Variants in HEXB observed in about 807,000 individuals in gnomAD.
HEXB encodes the protein beta-hexosaminidase subunit beta.
A neutral mutation model predicts 71.2 loss-of-function variants in HEXB; 51 were observed. The observed-to-expected ratio is 0.72, with a 90% confidence interval of 0.57 to 0.90. The LOEUF is 0.90. Ranked by LOEUF, HEXB falls within the 40% of genes least tolerant of loss-of-function variation. The pLI is 0.00. For missense variants in HEXB, 617 were observed against 677.0 expected, an observed-to-expected ratio of 0.91 and a Z score of 0.98; for synonymous variants, 266 against 249.3, an observed-to-expected ratio of 1.07 and a Z score of -0.63.
At position 74,704,013 on chromosome 5, in the gene HEXB, C is replaced by T. The variant is rs143006251; in HGVS notation, c.670-1206C>T. ...AAGTTTACAGGAATATAGGCACGTA[C>T]GTTTGTTTACATACTGTCTCACTCT... On this transcript the variant is annotated intron_variant, in intron 5 of 13. Coordinates refer to ENST00000261416, the MANE Select transcript of HEXB (RefSeq NM_000521.4). Among the ~76,000 whole-genome samples the T allele has an allele frequency of 1.7e-3, 263 of 152,250 alleles. 2 individuals are homozygous for T. The highest frequency in any genetic ancestry group is 6.1e-3 in the African/African-American group (254 of 41,556).
Position 74,641,262 on chromosome 5 carries a change from T to C in HEXB, c.-377+704T>C, listed in dbSNP as rs1482121324. ...CCAGAGTGGGGAGAGATAGTGGCAA[T>C]GGACGGGCAAAAGTCTGGACAGTTT... On this transcript the variant is annotated intron_variant, in intron 1 of 13. Transcript: ENST00000511181. This position sits in a 1 kb window ranked among gnomAD's most constrained non-coding sequence, Gnocchi z 4.1. The C allele has an allele frequency of 6.5e-6, 1 of 152,732 alleles. No individual in the cohort carries two copies. Among genetic ancestry groups the C allele is most frequent in the East Asian group, 1.9e-4 (1 of 5,182 alleles). 9.5% of individuals were successfully genotyped at this position (152,732 alleles called of 1,614,324 possible).
At chr5:74,713,397 A>C (rs1436229846) in intron 6 of HEXB, 109 bp from the exon 7 acceptor site, 2 of 990,900 alleles carry the variant, frequency 2.0e-6, no homozygotes, top group African/African-American at 3.2e-5. Flanking sequence ...ATACATTGTC[A>C]TAGTGAAAAA....
At chr5:74,644,432 C>G (rs1747962920) in intron 1 of HEXB, among the ~76,000 whole-genome samples, 1 of 152,102 alleles carries the variant, frequency 6.6e-6, no homozygotes, top group Non-Finnish European at 1.5e-5. Context: ...CTGAAGACCT[C>G]AGAACAGTGA....
intron 8 of HEXB, among the ~76,000 whole-genome samples, chr5:74,716,179 A>G (rs891030461): frequency 1.3e-5 from 2 of 152,120 alleles, no homozygotes; most frequent in African/African-American, 4.8e-5. Context: ...TGGAGAATGT[A>G]CATTTTGGTA....
At chr5:74,718,739 C>G in intron 10 of HEXB, 58 bp from the exon 11 acceptor site, 28 of 1,517,672 alleles carry the variant, frequency 1.8e-5, no homozygotes, top group Non-Finnish European at 2.6e-5. Context: ...CTTAAACTTT[C>G]AATTTCATCT....
At chr5:74,648,067 A>G (rs1748033527) in intron 1 of HEXB, among the ~76,000 whole-genome samples, 1 of 152,336 alleles carries the variant, frequency 6.6e-6, no homozygotes, top group East Asian at 1.9e-4. Flanking sequence ...CATTTAGCAA[A>G]TATGTGATCC....
chr5:74,721,246 GATATT>G lies in HEXB; in HGVS notation c.*73_*77del, dbSNP rs1324855433. ...TTTATTTTGAAATCATGTAAAATAA[GATATT>G]AGACTGTTTTTTGAATAAAATATTT... On this transcript the variant is annotated 3_prime_UTR_variant, in exon 14 of 14. Coordinates refer to ENST00000261416, the MANE Select transcript of HEXB (RefSeq NM_000521.4). 2.5e-6 allele frequency: 3 copies of G among 1,187,524 alleles called. No homozygotes were observed. The highest frequency in any genetic ancestry group is 3.8e-6 in the Non-Finnish European group (3 of 794,564). 73.6% of individuals were successfully genotyped at this position (1,187,524 alleles called of 1,614,324 possible).
rs539820028 is a variant in HEXB at position 74,645,034 on chromosome 5, A to G, written c.-377+4476A>G. 3.3e-5 allele frequency among the ~76,000 whole-genome samples: 5 copies of G among 152,082 alleles called. No homozygotes were observed. In the South Asian group the frequency reaches 8.3e-4, roughly 25 times the overall value. On this transcript the variant is annotated intron_variant, in intron 1 of 13. Transcript: ENST00000511181. Reference sequence around the variant, plus strand: ...TGATCCACCCATGTCAGCCTCCCAAAGTGCTGGGATTACAGGTGTGAGCCA... The same window carrying G: ...TGATCCACCCATGTCAGCCTCCCAAGGTGCTGGGATTACAGGTGTGAGCCA...
chr5:74,700,246 A>G (rs888053490), intron 5 of HEXB, among the ~76,000 whole-genome samples: 1 of 151,394 alleles, frequency 6.6e-6, no homozygotes, highest in Non-Finnish European at 1.5e-5. Flanking sequence ...GAGCTCAGGC[A>G]ATCTGCCCAC....
intron 1 of HEXB, among the ~76,000 whole-genome samples, chr5:74,647,294 T>C (rs949460745): frequency 4.6e-5 from 7 of 152,244 alleles, no homozygotes; most frequent in African/African-American, 1.2e-4. Flanking sequence ...TAGGGCACAA[T>C]GCCAAGTCTC....
At position 74,670,345 on chromosome 5, in the gene HEXB, C is replaced by T. The variant is rs183067641; in HGVS notation, c.-376-18983C>T. On this transcript the variant is annotated intron_variant, in intron 1 of 13. Transcript: ENST00000511181. ...ACTGAGAGAAACCATCAACTTCAGG[C>T]GGGGGACCACCCTCACGTCCCCTCT... 3.3e-3 allele frequency among the ~76,000 whole-genome samples: 500 copies of T among 152,052 alleles called. 3 individuals carry two copies. Among genetic ancestry groups the T allele is most frequent in the East Asian group, 9.1e-3 (47 of 5,170 alleles).
chr5:74,684,035 G>A (rs1748792160), upstream of HEXB, among the ~76,000 whole-genome samples: 1 of 151,988 alleles, frequency 6.6e-6, no homozygotes, highest in Non-Finnish European at 1.5e-5. Context: ...TGGCCAGGCT[G>A]GTCTCGAACT....
At chr5:74,689,270 G>A in intron 1 of HEXB, 58 bp from the exon 2 acceptor site, 1 of 1,389,686 alleles carries the variant, frequency 7.2e-7, no homozygotes, top group South Asian at 1.2e-5. Flanking sequence ...TAGCACATCT[G>A]TTTTAAAAAT....
At chr5:74,661,521 G>C (rs1177926138) in intron 1 of HEXB, among the ~76,000 whole-genome samples, 552 of 11,208 alleles carry the variant, frequency 0.049, 4 homozygotes, top group African/African-American at 0.12. Flanking sequence ...CTCTGTGTGT[G>C]TGTGTGTGTG....
At chr5:74,699,794 A>G (rs78661372) in intron 5 of HEXB, among the ~76,000 whole-genome samples, 9,480 of 152,086 alleles carry the variant, frequency 0.062, 439 homozygotes, top group East Asian at 0.18. Context: ...CTTTTGGTAT[A>G]TACTGTCAGG....
At position 74,680,176 on chromosome 5, in the gene HEXB, CA is replaced by C. The variant is rs1195884921; in HGVS notation, c.-376-9149del. Among the ~76,000 whole-genome samples, 19 of 152,242 alleles carry C rather than the reference CA, an allele frequency of 1.2e-4. No homozygotes were observed. The East Asian group carries it at 2.7e-3, about 22-fold the overall frequency. On this transcript the variant is annotated intron_variant, in intron 1 of 13. Coordinates refer to the HEXB transcript ENST00000511181. ...TTCATGAAAAAGGAAGGATGACTCG[CA>C]AATCAGAACTGCCCACAAGGTGACA...
chr5:74,659,597 A>G (rs916887097), intron 1 of HEXB, among the ~76,000 whole-genome samples: 1 of 152,202 alleles, frequency 6.6e-6, no homozygotes, highest in Non-Finnish European at 1.5e-5. Context: ...GTGAATATGG[A>G]GAAAAAGTGG....
chr5:74,647,727 T>C (rs1220363054), intron 1 of HEXB, among the ~76,000 whole-genome samples: 2 of 152,238 alleles, frequency 1.3e-5, no homozygotes, highest in Non-Finnish European at 1.5e-5. Context: ...TATTGACATA[T>C]CAGGAGGAAA....
intron 1 of HEXB, among the ~76,000 whole-genome samples, chr5:74,645,848 A>G (rs766799243): frequency 2.8e-4 from 43 of 152,386 alleles, no homozygotes; most frequent in Non-Finnish European, 5.9e-4. Context: ...TATGGTAGAA[A>G]TATAGAAAAC....
Sources: allele counts gnomAD v4.1 joint callset (sites outside exome capture counted in the v4.1 genomes callset), GRCh38; gene constraint gnomAD v4.1.1; non-coding constraint Gnocchi (gnomAD v3.1); transcripts MANE v1.5; gene names NCBI Gene and HGNC (gene_info 2026-07-23, HGNC 2026-07-21).